Variants in CFAP54 observed in about 807,000 individuals in gnomAD.
The protein encoded by CFAP54 is cilia- and flagella-associated protein 54.
In CFAP54, 290 loss-of-function variants were observed where a neutral mutation model predicts 370.4. That is an observed-to-expected ratio of 0.78 (90% CI 0.71 to 0.86). CFAP54 has a LOEUF of 0.86. CFAP54 is among the 40% of genes least tolerant of loss of function. CFAP54 has a pLI of 0.00. For missense variants in CFAP54, 3,399 were observed against 3,528.7 expected, an observed-to-expected ratio of 0.96 and a Z score of 0.93; for synonymous variants, 1,206 against 1,236.5, an observed-to-expected ratio of 0.98 and a Z score of 0.52.
chr12:96,814,005 G>A (rs921725465), intron 64 of CFAP54, among the ~76,000 whole-genome samples: 4 of 152,178 alleles, frequency 2.6e-5, no homozygotes, highest in African/African-American at 9.7e-5. Context: ...CAAGTCATCT[G>A]ATGTTGCTCT....
At chr12:96,503,793 C>T in intron 2 of CFAP54, 93 bp from the exon 3 acceptor site, 1 of 1,124,132 alleles carries the variant, frequency 8.9e-7, no homozygotes, top group Non-Finnish European at 1.2e-6. Context: ...TAATAATCAA[C>T]CTTGATACTA....
intron 36 of CFAP54, among the ~76,000 whole-genome samples, chr12:96,655,411 G>C (rs1479298596): frequency 2.0e-5 from 3 of 151,882 alleles, no homozygotes; most frequent in Non-Finnish European, 4.4e-5. Context: ...AAAGTATCCA[G>C]GTAATAAATG....
At chr12:96,508,948 G>C (rs565959036) in intron 4 of CFAP54, among the ~76,000 whole-genome samples, 1 of 152,054 alleles carries the variant, frequency 6.6e-6, no homozygotes. Context: ...CTGTGCCTAG[G>C]AGTGGAATTA....
At chr12:96,580,309 T>C (rs1359267863) in intron 20 of CFAP54, among the ~76,000 whole-genome samples, 1 of 152,108 alleles carries the variant, frequency 6.6e-6, no homozygotes, top group Non-Finnish European at 1.5e-5. Context: ...CATAGAGTTG[T>C]GCATATTAGA....
intron 55 of CFAP54, among the ~76,000 whole-genome samples, chr12:96,747,324 G>A (rs1049043122): frequency 2.6e-5 from 4 of 152,118 alleles, no homozygotes; most frequent in Non-Finnish European, 5.9e-5. Flanking sequence ...GGAAAATAGG[G>A]ACTCCCCTTG....
intron 1 of CFAP54, among the ~76,000 whole-genome samples, chr12:96,496,792 A>G (rs952371582): frequency 6.6e-6 from 1 of 152,198 alleles, no homozygotes; most frequent in Non-Finnish European, 1.5e-5. Flanking sequence ...TTTTTCCTAG[A>G]GACATATATA....
intron 19 of CFAP54, among the ~76,000 whole-genome samples, chr12:96,571,496 C>T (rs1371992820): frequency 6.6e-6 from 1 of 152,044 alleles, no homozygotes; most frequent in Non-Finnish European, 1.5e-5. Flanking sequence ...TTGCTAGGCA[C>T]TGTGGTAGGT....
intron 66 of CFAP54, among the ~76,000 whole-genome samples, chr12:96,857,823 C>T (rs1385681743): frequency 6.6e-6 from 1 of 152,152 alleles, no homozygotes; most frequent in East Asian, 1.9e-4. Flanking sequence ...TTCCTGAGTC[C>T]TCGCCAGCCA....
At chr12:96,603,395 C>T (rs1038182424) in intron 26 of CFAP54, among the ~76,000 whole-genome samples, 1 of 152,062 alleles carries the variant, frequency 6.6e-6, no homozygotes, top group African/African-American at 2.4e-5. Flanking sequence ...AACATTTTTT[C>T]CTTCATTTCA....
chr12:96,861,389 C>T (rs913418497), intron 67 of CFAP54, among the ~76,000 whole-genome samples: 1 of 152,116 alleles, frequency 6.6e-6, no homozygotes, highest in South Asian at 2.1e-4. Flanking sequence ...AGGCACAAGA[C>T]GGCTCCCACA....
intron 39 of CFAP54, among the ~76,000 whole-genome samples, chr12:96,679,154 A>G (rs1957243527): frequency 6.6e-6 from 1 of 152,082 alleles, no homozygotes. Context: ...TTTCAGTATT[A>G]GGAATCTGTC....
intron 50 of CFAP54, among the ~76,000 whole-genome samples, chr12:96,724,548 T>C (rs1213775777): frequency 1.3e-5 from 2 of 152,140 alleles, no homozygotes; most frequent in Admixed American, 6.5e-5. Context: ...TAAATTTGTT[T>C]GAGTTCATTG....
intron 26 of CFAP54, among the ~76,000 whole-genome samples, chr12:96,602,508 C>G (rs1345750233): frequency 3.3e-5 from 5 of 152,096 alleles, no homozygotes; most frequent in Non-Finnish European, 7.4e-5. Flanking sequence ...TCCTTGATAT[C>G]CTTGTTAATT....
At chr12:96,779,570 A>G (rs941366404) in intron 60 of CFAP54, among the ~76,000 whole-genome samples, 18 of 150,142 alleles carry the variant, frequency 1.2e-4, no homozygotes, top group African/African-American at 4.0e-4. Flanking sequence ...GGGTATTGCC[A>G]AGAAGACCAC....
At chr12:96,872,170 A>G (rs1385565962) in intron 67 of CFAP54, among the ~76,000 whole-genome samples, 1 of 152,110 alleles carries the variant, frequency 6.6e-6, no homozygotes, top group East Asian at 1.9e-4. Flanking sequence ...GGAAAAACAT[A>G]TTAAAATCAA....
At chr12:96,812,851 T>C (rs950818386) in intron 64 of CFAP54, among the ~76,000 whole-genome samples, 1 of 152,164 alleles carries the variant, frequency 6.6e-6, no homozygotes, top group African/African-American at 2.4e-5. Flanking sequence ...AGTTTATTTG[T>C]TCCTTCTTTT....
rs1481275707 is a variant in CFAP54 at position 96,656,678 on chromosome 12, GC to G, written c.5101-1201del. Among the ~76,000 whole-genome samples, 12 of 152,300 alleles carry G rather than the reference GC, an allele frequency of 7.9e-5. No homozygotes were observed. The East Asian group carries it at 2.3e-3, about 29-fold the overall frequency. On this transcript the variant is annotated intron_variant, in intron 36 of 67. Transcript: ENST00000524981. ...TTACAGGCATGAGCCACCATGCCTG[GC>G]CCTCAGCTTCATTGTTGATAAACAC...
chr12:96,836,025 A>G (rs1959185061), intron 66 of CFAP54, among the ~76,000 whole-genome samples: 1 of 152,240 alleles, frequency 6.6e-6, no homozygotes, highest in African/African-American at 2.4e-5. Context: ...GGTAGGGAAC[A>G]GAAAGATAGC....
intron 57 of CFAP54, 83 bp downstream of exon 57, chr12:96,756,646 G>T: frequency 1.2e-6 from 1 of 845,782 alleles, no homozygotes; most frequent in South Asian, 1.6e-5. Context: ...CTCAAGGCTG[G>T]ATTGCTTGGG....
Sources: gnomAD v4.1 joint callset for allele counts (sites outside exome capture counted in the v4.1 genomes callset) on GRCh38, gnomAD v4.1.1 for gene constraint, MANE v1.5 for transcripts, NCBI Gene and HGNC (gene_info 2026-07-23, HGNC 2026-07-21) for gene names.